The following LRIG1 variants were observed in gnomAD, a reference collection of about 807,000 sequenced individuals.
LRIG1 encodes leucine-rich repeats and immunoglobulin-like domains protein 1.
LRIG1 carries 48 observed loss-of-function variants against 99.2 expected under a neutral mutation model. The ratio of observed to expected loss-of-function variants is 0.48; its 90% CI spans 0.38 to 0.62. The LOEUF is 0.62. LRIG1 is among the 20% of genes least tolerant of loss of function. LRIG1 has a pLI of 0.00. For missense variants in LRIG1, 1,646 were observed against 1,434.4 expected (o/e 1.15, Z -2.38); for synonymous variants, 772 against 596.1 (o/e 1.29, Z -4.30).
chr3:66,457,609 C>T (rs1170395970), intron 2 of LRIG1, among the ~76,000 whole-genome samples: 1 of 152,208 alleles, frequency 6.6e-6, no homozygotes, highest in Non-Finnish European at 1.5e-5. Flanking sequence ...ATCTTAATAA[C>T]TACAGTAACA....
At chr3:66,487,967 CA>C (rs1198157590) in intron 1 of LRIG1, among the ~76,000 whole-genome samples, 1 of 151,912 alleles carries the variant, frequency 6.6e-6, no homozygotes, top group Non-Finnish European at 1.5e-5. Flanking sequence ...TATCCCCAAA[CA>C]AAACTCCAAA....
At chr3:66,392,281 T>C (rs1701648493) in intron 12 of LRIG1, among the ~76,000 whole-genome samples, 1 of 152,224 alleles carries the variant, frequency 6.6e-6, no homozygotes, top group African/African-American at 2.4e-5. Context: ...TGTGTGAACA[T>C]ATACATTCAT....
At chr3:66,380,962 C>T in intron 17 of LRIG1, 101 bp from the exon 18 acceptor site, 1 of 1,240,646 alleles carries the variant, frequency 8.1e-7, no homozygotes, top group Non-Finnish European at 1.1e-6. Flanking sequence ...AGGTGAGAAC[C>T]CTGACTGCAA....
chr3:66,414,979 G>A lies in LRIG1; in HGVS notation c.588C>T (p.Ser196=), dbSNP rs748609935. Residue 196 remains serine, a synonymous_variant, in exon 5 of 19, where the codon AGC becomes AGT. Transcript: ENST00000273261. ...CAGGAAGCTGGGTGATCCTGTTTTTGCTCAGGCGAAGAGTTAGCAGCGACC... is the reference window on the plus strand; with the variant it reads ...CAGGAAGCTGGGTGATCCTGTTTTTACTCAGGCGAAGAGTTAGCAGCGACC... ...LSRSLLTLRL[S]KNRITQLPVR... 2 of 1,612,268 alleles carry A rather than the reference G, an allele frequency of 1.2e-6. No homozygotes were observed. The highest frequency in any genetic ancestry group is 3.3e-5 in the Admixed American group (2 of 59,714).
intron 1 of LRIG1, among the ~76,000 whole-genome samples, chr3:66,473,672 T>C (rs1287327526): frequency 6.6e-6 from 1 of 152,186 alleles, no homozygotes; most frequent in Non-Finnish European, 1.5e-5. Flanking sequence ...TCAGCCAAAT[T>C]AGAAAAGCGA....
intron 1 of LRIG1, among the ~76,000 whole-genome samples, chr3:66,498,485 G>A (rs1209454839): frequency 6.6e-6 from 1 of 150,880 alleles, no homozygotes; most frequent in East Asian, 2.0e-4. Context: ...CAATGCCACT[G>A]ACACATGGCA....
chr3:66,382,906 T>C (rs556200371), intron 15 of LRIG1, 76 bp downstream of exon 15: 2 of 1,394,014 alleles, frequency 1.4e-6, no homozygotes, highest in South Asian at 2.8e-5. Flanking sequence ...CAAAAGCCAC[T>C]GGAACCCGGC....
chr3:66,459,777 G>T (rs770652289), intron 2 of LRIG1, among the ~76,000 whole-genome samples: 1 of 152,070 alleles, frequency 6.6e-6, no homozygotes, highest in Non-Finnish European at 1.5e-5. Flanking sequence ...CCAGTCACGA[G>T]GACAAAGACT....
At chr3:66,406,697 A>C (rs1188382231) in intron 8 of LRIG1, among the ~76,000 whole-genome samples, 1 of 152,162 alleles carries the variant, frequency 6.6e-6, no homozygotes, top group African/African-American at 2.4e-5. Flanking sequence ...AAAGTTTTAT[A>C]CAAGCCTCAG....
At chr3:66,430,426 A>T (rs540542221) in intron 3 of LRIG1, among the ~76,000 whole-genome samples, 2 of 152,286 alleles carry the variant, frequency 1.3e-5, no homozygotes, top group South Asian at 4.1e-4. Flanking sequence ...ACTGGCTTGC[A>T]ATGTTGAGAC....
chr3:66,434,938 T>C (rs750624543), intron 3 of LRIG1, among the ~76,000 whole-genome samples: 3 of 152,072 alleles, frequency 2.0e-5, no homozygotes, highest in Non-Finnish European at 4.4e-5. Context: ...TGGGCATTTA[T>C]CCCAGAGAAG....
At chr3:66,469,580 T>C (rs890159709) in intron 1 of LRIG1, among the ~76,000 whole-genome samples, 1 of 152,188 alleles carries the variant, frequency 6.6e-6, no homozygotes, top group Non-Finnish European at 1.5e-5. Flanking sequence ...TTCTCGGCCT[T>C]ACTAGTTCAC....
At chr3:66,494,628 G>A (rs1008625377) in intron 1 of LRIG1, among the ~76,000 whole-genome samples, 2 of 152,128 alleles carry the variant, frequency 1.3e-5, no homozygotes, top group African/African-American at 4.8e-5. Context: ...AAAGTACTTA[G>A]GTAAAAACCA....
chr3:66,493,682 G>A (rs949461618), intron 1 of LRIG1, among the ~76,000 whole-genome samples: 3 of 152,116 alleles, frequency 2.0e-5, no homozygotes, highest in African/African-American at 7.2e-5. Flanking sequence ...TCTAGTCTCA[G>A]CTACTCAGGC....
In LRIG1 at chr3:66,500,422, G is replaced by T; in HGVS notation, c.-15C>A. ...GGCCGCGCCATCTTGTCTGGAGCGCGCTGCGAACTCCGGGCGCGGGGACTG... is the reference window on the plus strand; with the variant it reads ...GGCCGCGCCATCTTGTCTGGAGCGCTCTGCGAACTCCGGGCGCGGGGACTG... On this transcript the variant is annotated 5_prime_UTR_variant, in exon 1 of 19. Transcript: ENST00000273261. The T allele has an allele frequency of 7.3e-7, 1 of 1,362,970 alleles. No homozygotes were observed. Among genetic ancestry groups the T allele is most frequent in the Non-Finnish European group, 9.4e-7 (1 of 1,063,216 alleles). The allele number at this position is 1,362,970 out of a possible 1,614,324, so 84.4% of individuals were successfully genotyped here.
intron 8 of LRIG1, chr3:66,406,033 T>G (rs1181798237): frequency 1.0e-6 from 1 of 987,752 alleles, no homozygotes; most frequent in East Asian, 1.1e-4. Context: ...TCCACAAGGT[T>G]CTTGGTTCTT....
At chr3:66,402,499 C>G (rs887012927) in intron 9 of LRIG1, among the ~76,000 whole-genome samples, 6 of 152,214 alleles carry the variant, frequency 3.9e-5, no homozygotes, top group Non-Finnish European at 5.9e-5. Context: ...TATGGCTCTG[C>G]TACTCACATC....
Position 66,500,508 on chromosome 3 carries a change from C to T in LRIG1, c.-101G>A. The T allele has an allele frequency of 1.7e-6, 1 of 583,326 alleles. No individual in the cohort carries two copies. The allele number at this position is 583,326 out of a possible 1,614,324, so 36.1% of individuals were successfully genotyped here. Reference sequence around the variant, plus strand: ...GCGGGGCGCTCCGCTCGGCTCTAGACTCCGCACCGGGGCATGGCCCCCGCC... The same window carrying T: ...GCGGGGCGCTCCGCTCGGCTCTAGATTCCGCACCGGGGCATGGCCCCCGCC... On this transcript the variant is annotated 5_prime_UTR_variant, in exon 1 of 19. Coordinates refer to ENST00000273261, the MANE Select transcript of LRIG1 (RefSeq NM_015541.3).
At chr3:66,439,803 T>C (rs1336572987) in intron 3 of LRIG1, among the ~76,000 whole-genome samples, 1 of 152,116 alleles carries the variant, frequency 6.6e-6, no homozygotes, top group Non-Finnish European at 1.5e-5. Context: ...GATCTCCAAA[T>C]AAGGTGGGCA....
Sources: gnomAD v4.1 joint callset for allele counts (sites outside exome capture counted in the v4.1 genomes callset) on GRCh38, gnomAD v4.1.1 for gene constraint, MANE v1.5 for transcripts, NCBI Gene and HGNC (gene_info 2026-07-23, HGNC 2026-07-21) for gene names.